The following CARMIL3 variants were observed in gnomAD, a reference collection of about 807,000 sequenced individuals.
CARMIL3 encodes capping protein, Arp2/3 and myosin-I linker protein 3.
CARMIL3 carries 88 observed loss-of-function variants against 180.8 expected under a neutral mutation model. The observed-to-expected ratio is 0.49, with a 90% confidence interval of 0.41 to 0.58. The LOEUF (loss-of-function observed/expected upper bound fraction) is 0.58. Ranked by LOEUF, CARMIL3 falls within the 20% of genes least tolerant of loss-of-function variation. The pLI is 0.00. For missense variants in CARMIL3, 1,548 were observed against 1,787.0 expected (o/e 0.87, Z 2.41); for synonymous variants, 696 against 714.5 (o/e 0.97, Z 0.41).
rs1216885286 is a variant in CARMIL3 at position 24,054,232 on chromosome 14, T to C, written c.187-10T>C. 6 of 1,614,108 alleles carry C rather than the reference T, an allele frequency of 3.7e-6. No homozygotes were observed. Among genetic ancestry groups the C allele is most frequent in the Admixed American group, 1.7e-5 (1 of 60,020 alleles). ...CCTTACCAGGAGCTGAGCATCTCCA[T>C]CCCTCCTAGGTGGAGAGCTCCTTCA... is the stretch of plus-strand genomic sequence containing the variant. On this transcript the variant is annotated splice_polypyrimidine_tract_variant and intron_variant, in intron 3 of 39. Coordinates refer to ENST00000342740, the MANE Select transcript of CARMIL3 (RefSeq NM_138360.4). This position sits in a 1 kb window ranked among gnomAD's most constrained non-coding sequence, Gnocchi z 5.1.
In CARMIL3 at chr14:24,065,032, G is replaced by A. The variant is rs373814202; in HGVS notation, c.3155G>A (p.Arg1052His). 1.2e-5 allele frequency: 20 copies of A among 1,610,488 alleles called. No homozygotes were observed. Among genetic ancestry groups the A allele is most frequent in the African/African-American group, 2.7e-5 (2 of 74,736 alleles). Reference sequence around the variant, plus strand: ...CTGCCTCCACTCCAGAAGAAGAGGCGCCGGGGCCTGTTTCACTTTCGCCGG... The same window carrying A: ...CTGCCTCCACTCCAGAAGAAGAGGCACCGGGGCCTGTTTCACTTTCGCCGG... The part of the protein sequence containing the change: ...APLPPLQKKR[R>H]RGLFHFRRPR... The change falls in exon 33 of 40, where the codon CGC becomes CAC. Residue 1052 changes from arginine (R) to histidine (H), a missense_variant. Physicochemically the swap from Arg to His is conservative, Grantham distance 29 (BLOSUM62 0). Coordinates refer to ENST00000342740, the MANE Select transcript of CARMIL3 (RefSeq NM_138360.4).
chr14:24,057,115 G>A (rs945110244), intron 13 of CARMIL3, 52 bp from the exon 14 acceptor site: 18 of 1,600,410 alleles, frequency 1.1e-5, no homozygotes, highest in Non-Finnish European at 1.5e-5. Context: ...CTCTGGGGGT[G>A]GCGAGACTCC....
At chr14:24,057,755 C>A (rs756909030) in intron 14 of CARMIL3, 48 bp from the exon 15 acceptor site, 1 of 1,535,614 alleles carries the variant, frequency 6.5e-7, no homozygotes. Context: ...CCTGCCACCC[C>A]CTACCCCCTT....
At chr14:24,060,363 A>G (rs2035720517) in intron 24 of CARMIL3, 108 bp downstream of exon 24, 1 of 1,255,038 alleles carries the variant, frequency 8.0e-7, no homozygotes, top group South Asian at 1.3e-5. Flanking sequence ...CATGGTGCCT[A>G]TCACTGGACT....
Position 24,061,601 on chromosome 14 carries a change from C to G in CARMIL3, c.2409C>G (p.Val803=). The G allele has an allele frequency of 6.2e-7, 1 of 1,613,900 alleles. No homozygotes were observed. The change falls in exon 27 of 40, where the codon GTC becomes GTG. Residue 803 remains valine, a synonymous_variant. Coordinates refer to ENST00000342740, the MANE Select transcript of CARMIL3 (RefSeq NM_138360.4). This position sits in a 1 kb window ranked among gnomAD's most constrained non-coding sequence, Gnocchi z 4.1. ...TGCTGAGCAATGTGGCGGAGCGTGTCACTGTGCCCCGGAACTTCATCCGAG... is the reference window on the plus strand; with the variant it reads ...TGCTGAGCAATGTGGCGGAGCGTGTGACTGTGCCCCGGAACTTCATCCGAG... ...NKMLSNVAER[V]TVPRNFIRGA...
intron 31 of CARMIL3, 50 bp from the exon 32 acceptor site, chr14:24,064,196 G>A: frequency 7.4e-7 from 1 of 1,351,826 alleles, no homozygotes; most frequent in Non-Finnish European, 1.0e-6. Flanking sequence ...GATGGGAGGT[G>A]GGGCTTCCTG....
chr14:24,058,841 C>T lies in CARMIL3; in HGVS notation c.1475-49C>T. On this transcript the variant is annotated intron_variant, in intron 18 of 39. Transcript: ENST00000342740. The surrounding 1 kb of genome is among the most constrained non-coding windows in gnomAD (Gnocchi z 6.4). ...ATGCAGAAGCAGCCCTGATGGGACACCAGTCAGCCTCAGGCCTCCAGGCCA... is the reference window on the plus strand; with the variant it reads ...ATGCAGAAGCAGCCCTGATGGGACATCAGTCAGCCTCAGGCCTCCAGGCCA... 1.9e-6 allele frequency: 3 copies of T among 1,611,866 alleles called. No homozygotes were observed. Among genetic ancestry groups the T allele is most frequent in the Non-Finnish European group, 2.5e-6 (3 of 1,177,982 alleles).
In CARMIL3 at chr14:24,058,868, G is replaced by A. The variant is rs766336848; in HGVS notation, c.1475-22G>A. ...AGTCAGCCTCAGGCCTCCAGGCCAGGCCTCTCCCATCTGCTCACCAGGGTT... is the reference window on the plus strand; with the variant it reads ...AGTCAGCCTCAGGCCTCCAGGCCAGACCTCTCCCATCTGCTCACCAGGGTT... On this transcript the variant is annotated intron_variant, in intron 18 of 39. Transcript: ENST00000342740. This position sits in a 1 kb window ranked among gnomAD's most constrained non-coding sequence, Gnocchi z 6.4. 3.7e-6 allele frequency: 6 copies of A among 1,614,054 alleles called. No individual in the cohort carries two copies. The highest frequency in any genetic ancestry group is 4.2e-6 in the Non-Finnish European group (5 of 1,179,944).
Position 24,061,661 on chromosome 14 carries a change from G to T in CARMIL3, c.2469G>T (p.Gln823His). Residue 823 changes from glutamine to histidine, a missense_variant, in exon 27 of 40, where the codon CAG (glutamine) becomes CAT (histidine). Around this residue, in one of 4 missense-constraint regions of CARMIL3, gnomAD observed 297 missense variants for 415.9 expected, o/e 0.71. Coordinates refer to ENST00000342740, the MANE Select transcript of CARMIL3 (RefSeq NM_138360.4). This position sits in a 1 kb window ranked among gnomAD's most constrained non-coding sequence, Gnocchi z 4.1. ...ALLEQAGQDI[Q>H]NKLDEVKLSV... is the part of the protein sequence containing the mutation. Reference sequence around the variant, plus strand: ...TGGAGCAAGCAGGACAGGACATTCAGAACAAGCTGGAGTGAGAGGCAAAGG... The same window carrying T: ...TGGAGCAAGCAGGACAGGACATTCATAACAAGCTGGAGTGAGAGGCAAAGG... 2 of 1,613,254 alleles carry T rather than the reference G, an allele frequency of 1.2e-6. No individual in the cohort carries two copies. Among genetic ancestry groups the T allele is most frequent in the South Asian group, 1.1e-5 (1 of 91,008 alleles).
At chr14:24,062,420 C>T (rs1169299559) in intron 27 of CARMIL3, 60 bp from the exon 28 acceptor site, 2 of 1,463,908 alleles carry the variant, frequency 1.4e-6, no homozygotes, top group African/African-American at 2.8e-5. Context: ...GGGAGTGCCT[C>T]AGGGGCCATG....
At position 24,069,491 on chromosome 14, in the gene CARMIL3, G is replaced by GTCC. The variant is rs2035840432; in HGVS notation, c.*87_*88insTCC. 2 of 1,560,174 alleles carry GTCC rather than the reference G, an allele frequency of 1.3e-6. No individual in the cohort carries two copies. Among genetic ancestry groups the GTCC allele is most frequent in the African/African-American group, 2.7e-5 (2 of 73,594 alleles). On this transcript the variant is annotated 3_prime_UTR_variant, in exon 40 of 40. Transcript: ENST00000342740. ...CCACCCCCAGTCCCCAGGGCCCCCT[G>GTCC]CCAGCCCCTGTCCTACAGGGGCAAG...
At chr14:24,056,581 C>T in intron 11 of CARMIL3, 41 bp from the exon 12 acceptor site, 1 of 1,598,918 alleles carries the variant, frequency 6.3e-7, no homozygotes, top group Non-Finnish European at 8.6e-7. Context: ...GCACCCACTG[C>T]CCTGCCCCTC....
Position 24,068,801 on chromosome 14 carries a change from C to T in CARMIL3, c.3817C>T (p.Leu1273=), listed in dbSNP as rs780393635. ...CCTCTGCCAGCTACAGGACCCCGCT[C>T]TAGCTCCATGGCCTCCCAAGCCAGT... ...ARNAKLQDPA[L]APWPPKPVAV... Residue 1273 remains leucine, a synonymous_variant, in exon 38 of 40, where the codon CTA becomes TTA. Coordinates refer to ENST00000342740, the MANE Select transcript of CARMIL3 (RefSeq NM_138360.4). 6.2e-7 allele frequency: 1 copy of T among 1,614,060 alleles called. No homozygotes were observed. The highest frequency in any genetic ancestry group is 1.7e-5 in the Admixed American group (1 of 60,022).
Position 24,068,973 on chromosome 14 carries a change from C to CA in CARMIL3, c.3982+8dup. 6.5e-7 allele frequency: 1 copy of CA among 1,548,088 alleles called. No individual in the cohort carries two copies. The highest frequency in any genetic ancestry group is 8.7e-7 in the Non-Finnish European group (1 of 1,144,354). On this transcript the variant is annotated splice_region_variant and intron_variant, in intron 38 of 39. Coordinates refer to ENST00000342740, the MANE Select transcript of CARMIL3 (RefSeq NM_138360.4). Reference sequence around the variant, plus strand: ...GAGGAGCCCGAAGTCCAAGGTCTGCCACCCTGGCTGAGTGGGGGGCTCAGG... The same window carrying CA: ...GAGGAGCCCGAAGTCCAAGGTCTGCCAACCCTGGCTGAGTGGGGGGCTCAGG...
chr14:24,058,254 C>A lies in CARMIL3; in HGVS notation c.1392+30C>A. On this transcript the variant is annotated intron_variant, in intron 17 of 39. Coordinates refer to ENST00000342740, the MANE Select transcript of CARMIL3 (RefSeq NM_138360.4). This position sits in a 1 kb window ranked among gnomAD's most constrained non-coding sequence, Gnocchi z 6.4. Reference sequence around the variant, plus strand: ...GCCCTCAGTCCCCAACCCCTCTGCCCGCCTCCGATCCATGTGCATTTCTCA... The same window carrying A: ...GCCCTCAGTCCCCAACCCCTCTGCCAGCCTCCGATCCATGTGCATTTCTCA... The A allele has an allele frequency of 6.2e-7, 1 of 1,600,224 alleles. No individual in the cohort carries two copies. The highest frequency in any genetic ancestry group is 2.3e-5 in the East Asian group (1 of 44,172).
At position 24,059,471 on chromosome 14, in the gene CARMIL3, T is replaced by C; in HGVS notation, c.1799+29T>C. On this transcript the variant is annotated intron_variant, in intron 21 of 39. Coordinates refer to ENST00000342740, the MANE Select transcript of CARMIL3 (RefSeq NM_138360.4). This position sits in a 1 kb window ranked among gnomAD's most constrained non-coding sequence, Gnocchi z 6.3. ...GGGCCCACACCGGGACCCCCTGACC[T>C]GGAGCCCCAGCCCCTCCCCATATGT... is the stretch of plus-strand genomic sequence containing the variant. 6.4e-7 allele frequency: 1 copy of C among 1,551,612 alleles called. No individual in the cohort carries two copies. The highest frequency in any genetic ancestry group is 8.7e-7 in the Non-Finnish European group (1 of 1,146,890).
rs1017634166 is a variant in CARMIL3, at chr14:24,060,101, G to C, written c.1962+38G>C. ...GTCCTAAGCAGGGTGGCACAGCAAG[G>C]GGCAGGGGGCAGCCCCCATCCCCAG... On this transcript the variant is annotated intron_variant, in intron 23 of 39. Coordinates refer to ENST00000342740, the MANE Select transcript of CARMIL3 (RefSeq NM_138360.4). 17 of 1,613,566 alleles carry C rather than the reference G, an allele frequency of 1.1e-5. No individual in the cohort carries two copies. The African/African-American group carries it at 2.1e-4, about 20-fold the overall frequency.
chr14:24,069,200 C>A lies in CARMIL3; in HGVS notation c.4046C>A (p.Ser1349Tyr). The A allele has an allele frequency of 6.2e-7, 1 of 1,614,006 alleles. No homozygotes were observed. Among genetic ancestry groups the A allele is most frequent in the Non-Finnish European group, 8.5e-7 (1 of 1,179,994 alleles). Reference sequence around the variant, plus strand: ...CCCAAGAGGACACGGCGGGCACAGTCCTGTGACAAGCTGGAACCTGATAGA... The same window carrying A: ...CCCAAGAGGACACGGCGGGCACAGTACTGTGACAAGCTGGAACCTGATAGA... ...LKPKRTRRAQSCDKLEPDRRR... is the reference protein window; with the variant it reads ...LKPKRTRRAQYCDKLEPDRRR... Residue 1349 changes from serine (S) to tyrosine (Y), a missense_variant, in exon 39 of 40, where the codon TCC (serine) becomes TAC (tyrosine). This residue lies in a region of CARMIL3 where 668 missense variants were observed against 687.8 expected (regional missense o/e 0.97). Transcript: ENST00000342740.
chr14:24,053,879 G>T lies in CARMIL3; in HGVS notation c.135+76G>T, dbSNP rs942100306. 6.7e-6 allele frequency: 9 copies of T among 1,336,164 alleles called. No homozygotes were observed. The African/African-American group carries it at 1.2e-4, about 17-fold the overall frequency. The allele number at this position is 1,336,164 out of a possible 1,614,324, so 82.8% of individuals were successfully genotyped here. ...TGGCCAGTAGAGGGCAGGGAGCCGG[G>T]AGGACAGAAGAGACAGAAGTGGGTG... On this transcript the variant is annotated intron_variant, in intron 2 of 39. Transcript: ENST00000342740.
Sources: gnomAD v4.1 joint callset for allele counts on GRCh38, gnomAD v4.1.1 for gene constraint, gnomAD v4.1.1 regional missense constraint, Gnocchi (gnomAD v3.1) non-coding constraint, MANE v1.5 for transcripts, NCBI Gene and HGNC (gene_info 2026-07-23, HGNC 2026-07-21) for gene names.